Variants in GUCY1A2 observed in about 807,000 individuals in gnomAD.
GUCY1A2 encodes guanylate cyclase soluble subunit alpha-2.
A neutral mutation model predicts 63.5 loss-of-function variants in GUCY1A2; 27 were observed. The ratio of observed to expected loss-of-function variants is 0.43; its 90% CI spans 0.31 to 0.59. GUCY1A2 has a LOEUF of 0.59. Among genes scored for constraint, GUCY1A2 ranks in the 20% least tolerant of loss-of-function variants. GUCY1A2 has a pLI of 0.11. For missense variants in GUCY1A2, 768 were observed against 913.3 expected (o/e 0.84, Z 2.05); for synonymous variants, 364 against 343.5 (o/e 1.06, Z -0.66).
intron 6 of GUCY1A2, among the ~76,000 whole-genome samples, chr11:106,720,937 G>A (rs1382906568): frequency 6.6e-6 from 1 of 152,140 alleles, no homozygotes; most frequent in Non-Finnish European, 1.5e-5. Flanking sequence ...CTGGGTGTGG[G>A]ATACTTGGGT....
intron 6 of GUCY1A2, among the ~76,000 whole-genome samples, chr11:106,761,754 A>G (rs1166947173): frequency 6.6e-6 from 1 of 152,160 alleles, no homozygotes; most frequent in Non-Finnish European, 1.5e-5. Flanking sequence ...CATTATGCTT[A>G]GAGCTCTGAT....
chr11:106,844,355 G>A lies in GUCY1A2; in HGVS notation c.1207-33877C>T, dbSNP rs538161250. 5.3e-5 allele frequency among the ~76,000 whole-genome samples: 8 copies of A among 151,806 alleles called. No individual in the cohort carries two copies. The South Asian group carries it at 1.7e-3, about 32-fold the overall frequency. ...GTTTTTATGTAGTATATGTATTTATGAGTTCGGAATATGTGCAATACCTAA... is the reference window on the plus strand; with the variant it reads ...GTTTTTATGTAGTATATGTATTTATAAGTTCGGAATATGTGCAATACCTAA... On this transcript the variant is annotated intron_variant, in intron 4 of 7. Coordinates refer to ENST00000526355, the MANE Select transcript of GUCY1A2 (RefSeq NM_000855.3).
intron 3 of GUCY1A2, among the ~76,000 whole-genome samples, chr11:106,949,393 ATCTC>A (rs1383145908): frequency 2.0e-5 from 3 of 151,906 alleles, no homozygotes; most frequent in African/African-American, 4.8e-5. Flanking sequence ...ATGCTCAACA[ATCTC>A]TCTCTCATTT....
chr11:106,918,922 A>G (rs959968937), intron 4 of GUCY1A2, among the ~76,000 whole-genome samples: 31 of 152,164 alleles, frequency 2.0e-4, no homozygotes, highest in Admixed American at 1.5e-3. Context: ...TAAAAATCTG[A>G]TATTTAACCT....
At chr11:106,904,639 CT>C (rs1441209041) in intron 4 of GUCY1A2, among the ~76,000 whole-genome samples, 1 of 151,834 alleles carries the variant, frequency 6.6e-6, no homozygotes, top group East Asian at 1.9e-4. Flanking sequence ...GTTTCAGGCA[CT>C]GAGGTAGATG....
At chr11:106,714,811 C>T (rs959122803) in intron 6 of GUCY1A2, among the ~76,000 whole-genome samples, 5 of 152,218 alleles carry the variant, frequency 3.3e-5, no homozygotes, top group South Asian at 2.1e-4. Context: ...AGCTCCCCAG[C>T]CCTGGAAAAG....
At chr11:106,783,326 A>T (rs1864498160) in intron 5 of GUCY1A2, among the ~76,000 whole-genome samples, 1 of 152,194 alleles carries the variant, frequency 6.6e-6, no homozygotes, top group South Asian at 2.1e-4. Flanking sequence ...CAGCACATAG[A>T]CATCACTGTT....
chr11:106,691,248 C>T (rs994328122), intron 7 of GUCY1A2, among the ~76,000 whole-genome samples: 1 of 152,046 alleles, frequency 6.6e-6, no homozygotes, highest in Non-Finnish European at 1.5e-5. Flanking sequence ...AAGAAATGCT[C>T]ATTGAAACAA....
chr11:106,795,904 G>A (rs1307719325), intron 5 of GUCY1A2, among the ~76,000 whole-genome samples: 2 of 151,412 alleles, frequency 1.3e-5, no homozygotes, highest in South Asian at 4.2e-4. Context: ...TGTTGACAGT[G>A]GGGTGTTAAA....
At chr11:106,844,039 G>T (rs551334958) in intron 4 of GUCY1A2, among the ~76,000 whole-genome samples, 2 of 151,942 alleles carry the variant, frequency 1.3e-5, no homozygotes, top group Admixed American at 1.3e-4. Flanking sequence ...GCACATGTAT[G>T]TTTATGAAGT....
chr11:106,859,067 G>A (rs922022537), intron 4 of GUCY1A2, among the ~76,000 whole-genome samples: 1 of 151,884 alleles, frequency 6.6e-6, no homozygotes, highest in South Asian at 2.1e-4. Flanking sequence ...AATTTTTAGG[G>A]ACTGTAGTTC....
At chr11:106,695,160 TTCCATTTTTAAA>T (rs1444902105) in intron 7 of GUCY1A2, among the ~76,000 whole-genome samples, 1 of 152,166 alleles carries the variant, frequency 6.6e-6, no homozygotes, top group Non-Finnish European at 1.5e-5. Context: ...CCTTCCTCTC[TTCCATTTTTAAA>T]TCCTCTTCCA....
At chr11:106,996,721 C>T (rs148190366) in intron 1 of GUCY1A2, among the ~76,000 whole-genome samples, 257 of 152,306 alleles carry the variant, frequency 1.7e-3, no homozygotes, top group Non-Finnish European at 2.7e-3. Flanking sequence ...GACAAGAACA[C>T]GTCCTTGGAC....
At chr11:106,949,135 T>C (rs1860870459) in intron 3 of GUCY1A2, among the ~76,000 whole-genome samples, 1 of 152,186 alleles carries the variant, frequency 6.6e-6, no homozygotes. Flanking sequence ...TCCCCTGACA[T>C]TCTGCTAGTC....
chr11:106,903,329 A>C (rs976526632), intron 4 of GUCY1A2, among the ~76,000 whole-genome samples: 2 of 152,188 alleles, frequency 1.3e-5, no homozygotes, highest in Non-Finnish European at 2.9e-5. Flanking sequence ...TTGCCTCACT[A>C]TCTTGATTCA....
intron 3 of GUCY1A2, among the ~76,000 whole-genome samples, chr11:106,969,300 G>C (rs1861165179): frequency 6.6e-6 from 1 of 152,098 alleles, no homozygotes; most frequent in Non-Finnish European, 1.5e-5. Flanking sequence ...ATAGAACCCA[G>C]GATGTTTGAA....
chr11:106,966,368 A>G (rs909917698), intron 3 of GUCY1A2, among the ~76,000 whole-genome samples: 1 of 152,160 alleles, frequency 6.6e-6, no homozygotes, highest in Admixed American at 6.5e-5. Flanking sequence ...TTGGCCTCCC[A>G]AAGTGCTGGG....
In GUCY1A2 at chr11:106,883,486, G is replaced by A. The variant is rs556311825; in HGVS notation, c.1206+55974C>T. On this transcript the variant is annotated intron_variant, in intron 4 of 7. Coordinates refer to ENST00000526355, the MANE Select transcript of GUCY1A2 (RefSeq NM_000855.3). The stretch of plus-strand genomic sequence containing the variant: ...TTGTTAGAAAAGCAAAATGGTTTCC[G>A]TCCCCATGGAGCTTACTATGTAATG... Among the ~76,000 whole-genome samples, 6 of 152,188 alleles carry A rather than the reference G, an allele frequency of 3.9e-5. No individual in the cohort carries two copies. In the South Asian group the frequency reaches 8.3e-4, roughly 21 times the overall value.
At chr11:106,950,929 C>T (rs1410901461) in intron 3 of GUCY1A2, among the ~76,000 whole-genome samples, 3 of 152,118 alleles carry the variant, frequency 2.0e-5, no homozygotes, top group Non-Finnish European at 2.9e-5. Context: ...GTGTGTTGTT[C>T]CCCTCTCTGT....
Sources: allele counts gnomAD v4.1 joint callset (sites outside exome capture counted in the v4.1 genomes callset), GRCh38; gene constraint gnomAD v4.1.1; transcripts MANE v1.5; gene names NCBI Gene and HGNC (gene_info 2026-07-23, HGNC 2026-07-21).